RABGAP1L: variants seen among roughly 807,000 people sequenced by gnomAD.
The protein encoded by RABGAP1L is rab GTPase-activating protein 1-like.
RABGAP1L carries 63 observed loss-of-function variants against 137.7 expected under a neutral mutation model. The observed-to-expected ratio is 0.46, with a 90% CI of 0.37 to 0.56. The LOEUF (loss-of-function observed/expected upper bound fraction) is 0.56, where lower values mean the gene tolerates loss of function less well. Among genes scored for constraint, RABGAP1L ranks in the 20% least tolerant of loss-of-function variants. RABGAP1L has a pLI of 0.00. For synonymous variants in RABGAP1L, 431 were observed against 433.7 expected (o/e 0.99, Z 0.08); for missense variants, 1,095 against 1,244.0 (o/e 0.88, Z 1.80).
chr1:174,402,552 G>T (rs1197097150), intron 13 of RABGAP1L, among the ~76,000 whole-genome samples: 5 of 152,156 alleles, frequency 3.3e-5, no homozygotes, highest in African/African-American at 7.2e-5. Flanking sequence ...ACCATTGTCT[G>T]TTGTTACATG....
chr1:174,603,929 A>G lies in RABGAP1L; in HGVS notation c.1711-33446A>G, dbSNP rs572637363. ...TAAGCTGGTGTGCTAATTGCAAGAC[A>G]AAGTCCTTTTTACTCTCCCCTCTCC... On this transcript the variant is annotated intron_variant, in intron 13 of 25. Transcript: ENST00000681986. 4.6e-5 allele frequency among the ~76,000 whole-genome samples: 7 copies of G among 151,530 alleles called. 1 individual carries two copies. The South Asian group carries it at 6.3e-4, about 14-fold the overall frequency.
intron 7 of RABGAP1L, among the ~76,000 whole-genome samples, chr1:174,267,842 T>C (rs1674201302): frequency 6.6e-6 from 1 of 152,234 alleles, no homozygotes; most frequent in African/African-American, 2.4e-5. Flanking sequence ...TGGACAAAAA[T>C]TTTTAAAGGT....
At chr1:174,446,615 A>T (rs549463439) in intron 13 of RABGAP1L, among the ~76,000 whole-genome samples, 102 of 152,236 alleles carry the variant, frequency 6.7e-4, no homozygotes, top group Non-Finnish European at 1.2e-3. Context: ...AAACTCTAGG[A>T]TTTAAAGTTC....
At chr1:174,726,919 G>T (rs1034255300) in intron 17 of RABGAP1L, among the ~76,000 whole-genome samples, 1 of 151,984 alleles carries the variant, frequency 6.6e-6, no homozygotes, top group African/African-American at 2.4e-5. Context: ...CAAGATTTTG[G>T]TACTCATCGT....
chr1:174,569,403 G>A (rs929385785), intron 13 of RABGAP1L, among the ~76,000 whole-genome samples: 1 of 152,208 alleles, frequency 6.6e-6, no homozygotes, highest in African/African-American at 2.4e-5. Flanking sequence ...CTGCACGGTA[G>A]AATGGTAGAG....
chr1:174,469,885 C>CA (rs933544242), intron 13 of RABGAP1L, among the ~76,000 whole-genome samples: 12 of 151,848 alleles, frequency 7.9e-5, no homozygotes, highest in Non-Finnish European at 1.6e-4. Context: ...TTGTCACTGC[C>CA]AAAAATGCTT....
At chr1:174,551,684 A>T (rs1229734356) in intron 13 of RABGAP1L, among the ~76,000 whole-genome samples, 1 of 152,130 alleles carries the variant, frequency 6.6e-6, no homozygotes, top group Non-Finnish European at 1.5e-5. Context: ...AATAATGAAG[A>T]CAAAAACAGA....
At chr1:174,469,591 T>C (rs573397674) in intron 13 of RABGAP1L, among the ~76,000 whole-genome samples, 1 of 152,154 alleles carries the variant, frequency 6.6e-6, no homozygotes, top group Non-Finnish European at 1.5e-5. Flanking sequence ...TTCCTGGAAG[T>C]GTCTTTGCCC....
intron 17 of RABGAP1L, among the ~76,000 whole-genome samples, chr1:174,731,640 A>G (rs1381438042): frequency 6.6e-6 from 1 of 152,202 alleles, no homozygotes; most frequent in Non-Finnish European, 1.5e-5. Flanking sequence ...CCTGGCTTCC[A>G]TCTTCACAGT....
At chr1:174,487,264 C>A (rs1043933897) in intron 13 of RABGAP1L, among the ~76,000 whole-genome samples, 11 of 152,098 alleles carry the variant, frequency 7.2e-5, no homozygotes, top group African/African-American at 2.7e-4. Flanking sequence ...ATTAGAGCTA[C>A]TCTTTAGCTC....
intron 19 of RABGAP1L, among the ~76,000 whole-genome samples, chr1:174,851,327 G>T (rs535041925): frequency 2.0e-5 from 3 of 152,320 alleles, no homozygotes; most frequent in African/African-American, 7.2e-5. Context: ...TGCAGAGCCG[G>T]TGGAACAGTG....
intron 19 of RABGAP1L, among the ~76,000 whole-genome samples, chr1:174,943,865 A>G (rs1666301940): frequency 6.6e-6 from 1 of 152,140 alleles, no homozygotes. Context: ...CCAGACTGTA[A>G]ACTCCTCCAG....
chr1:174,894,298 G>A (rs1364910091), intron 19 of RABGAP1L, among the ~76,000 whole-genome samples: 4 of 152,172 alleles, frequency 2.6e-5, no homozygotes, highest in African/African-American at 7.2e-5. Flanking sequence ...AATTGCTTGG[G>A]TGTAGGCTGC....
At chr1:174,189,492 T>G (rs1300973039) in intron 1 of RABGAP1L, among the ~76,000 whole-genome samples, 1 of 152,262 alleles carries the variant, frequency 6.6e-6, no homozygotes, top group Non-Finnish European at 1.5e-5. Context: ...TAAACCTCGC[T>G]TATCGTTTGA....
intron 18 of RABGAP1L, among the ~76,000 whole-genome samples, chr1:174,778,203 A>T (rs1411126679): frequency 2.0e-5 from 3 of 152,232 alleles, no homozygotes; most frequent in African/African-American, 7.2e-5. Flanking sequence ...AACAAAGAAA[A>T]GTATATCAGC....
At chr1:174,849,545 A>G (rs961948820) in intron 19 of RABGAP1L, 1 of 320,176 alleles carries the variant, frequency 3.1e-6, no homozygotes, top group African/African-American at 2.2e-5. Flanking sequence ...AGGGAGGTCA[A>G]TAAATATTAA....
At chr1:174,818,114 A>G (rs1372586906) in intron 19 of RABGAP1L, among the ~76,000 whole-genome samples, 1 of 152,242 alleles carries the variant, frequency 6.6e-6, no homozygotes, top group East Asian at 1.9e-4. Flanking sequence ...CTGAGCTAAA[A>G]GTAGACATTT....
chr1:174,824,029 C>T (rs1412420838), intron 19 of RABGAP1L, among the ~76,000 whole-genome samples: 1 of 152,266 alleles, frequency 6.6e-6, no homozygotes, highest in East Asian at 1.9e-4. Context: ...GTGGCTCACA[C>T]CTGTAATCAT....
At chr1:174,765,620 C>T (rs1330051443) in intron 18 of RABGAP1L, among the ~76,000 whole-genome samples, 2 of 151,058 alleles carry the variant, frequency 1.3e-5, no homozygotes, top group African/African-American at 2.4e-5. Context: ...TTTTTAGAGA[C>T]AGGGTCTTAC....
Sources: allele counts gnomAD v4.1 joint callset (sites outside exome capture counted in the v4.1 genomes callset), GRCh38; gene constraint gnomAD v4.1.1; transcripts MANE v1.5; gene names NCBI Gene and HGNC (gene_info 2026-07-23, HGNC 2026-07-21).